POLR2B: variants seen among roughly 807,000 people sequenced by gnomAD.
POLR2B encodes DNA-directed RNA polymerase II subunit RPB2.
Under a neutral mutation model 144.6 loss-of-function variants are expected in POLR2B, and 57 were observed. The ratio of observed to expected loss-of-function variants is 0.39; its 90% CI spans 0.32 to 0.49. The LOEUF (loss-of-function observed/expected upper bound fraction) is 0.49, where lower values mean the gene tolerates loss of function less well. Among genes scored for constraint, POLR2B ranks in the 20% least tolerant of loss-of-function variants. The probability of loss-of-function intolerance (pLI) is 0.83; values close to 1 mark genes in which losing one functional copy is unlikely to be tolerated. For missense variants in POLR2B, 595 were observed against 1,467.4 expected (o/e 0.41, Z 9.71); for synonymous variants, 442 against 469.8 (o/e 0.94, Z 0.77).
intron 12 of POLR2B, 34 bp downstream of exon 12, chr4:57,010,921 A>G: frequency 6.3e-7 from 1 of 1,598,352 alleles, no homozygotes; most frequent in South Asian, 1.1e-5. Flanking sequence ...TTTAAACTAT[A>G]GTTAATCTTT....
chr4:57,008,392 C>T (rs1723088888), intron 10 of POLR2B, among the ~76,000 whole-genome samples: 2 of 152,176 alleles, frequency 1.3e-5, no homozygotes, highest in South Asian at 2.1e-4. Flanking sequence ...TTAGTAGAGA[C>T]GGGGTTTTGC....
intron 1 of POLR2B, among the ~76,000 whole-genome samples, chr4:56,982,435 G>A (rs932038671): frequency 6.6e-6 from 1 of 152,028 alleles, no homozygotes; most frequent in African/African-American, 2.4e-5. Context: ...AGCTGGGCAT[G>A]GTGGCATGTG....
intron 13 of POLR2B, among the ~76,000 whole-genome samples, chr4:57,012,847 T>C (rs968562332): frequency 6.6e-6 from 1 of 151,988 alleles, no homozygotes; most frequent in Middle Eastern, 3.4e-3. Flanking sequence ...GTATTTCTAT[T>C]TTTATTTTTT....
chr4:56,996,236 G>GTGTT (rs1291577789), intron 6 of POLR2B, among the ~76,000 whole-genome samples: 1 of 136,206 alleles, frequency 7.3e-6, no homozygotes, highest in African/African-American at 2.8e-5. Flanking sequence ...GTGTGTGTGT[G>GTGTT]TGTATGTATA....
chr4:56,985,430 C>T (rs1294498561), intron 1 of POLR2B: 3 of 985,346 alleles, frequency 3.0e-6, no homozygotes, highest in Non-Finnish European at 3.6e-6. Context: ...CCCCCGCCGC[C>T]CCGTGGGGCG....
intron 24 of POLR2B, chr4:57,030,646 G>T: frequency 1.8e-6 from 1 of 546,692 alleles, no homozygotes; most frequent in Non-Finnish European, 3.2e-6. Flanking sequence ...TTGTACAAGG[G>T]ATTTTAAACA....
At position 56,986,571 on chromosome 4, in the gene POLR2B, C is replaced by A. The variant is rs1722341271; in HGVS notation, c.92+145C>A. 1.0e-5 allele frequency: 5 copies of A among 502,262 alleles called. No homozygotes were observed. The Middle Eastern group carries it at 1.4e-3, about 139-fold the overall frequency. 31.1% of individuals were successfully genotyped at this position (502,262 alleles called of 1,614,324 possible). ...ATTTAACATTTTAAGTATTTCAGATCTAAAAGTTACACAAAGAATTCATTT... is the reference window on the plus strand; with the variant it reads ...ATTTAACATTTTAAGTATTTCAGATATAAAAGTTACACAAAGAATTCATTT... On this transcript the variant is annotated intron_variant, in intron 2 of 24. Coordinates refer to ENST00000314595, the MANE Select transcript of POLR2B (RefSeq NM_000938.3).
At chr4:57,001,123 G>A (rs1003275492) in intron 7 of POLR2B, among the ~76,000 whole-genome samples, 5 of 152,188 alleles carry the variant, frequency 3.3e-5, no homozygotes, top group South Asian at 4.1e-4. Context: ...TCAGAATAAC[G>A]CATTGCATTT....
At chr4:56,983,484 G>A (rs542385884) in intron 1 of POLR2B, among the ~76,000 whole-genome samples, 11 of 146,654 alleles carry the variant, frequency 7.5e-5, no homozygotes, top group African/African-American at 2.3e-4. Flanking sequence ...GTGATTCTTC[G>A]CCTCAGCCTC....
intron 17 of POLR2B, among the ~76,000 whole-genome samples, chr4:57,021,485 C>CTTTTTTTTT (rs34804702): frequency 2.7e-5 from 3 of 110,342 alleles, no homozygotes; most frequent in South Asian, 6.8e-4. Context: ...AATGTAAAAA[C>CTTTTTTTTT]TTTTTTTTTT....
intron 2 of POLR2B, among the ~76,000 whole-genome samples, chr4:56,989,499 C>G (rs1722445683): frequency 6.6e-6 from 1 of 152,202 alleles, no homozygotes; most frequent in Non-Finnish European, 1.5e-5. Context: ...TTGACTGGAT[C>G]AGGGTGGGGC....
intron 2 of POLR2B, chr4:56,986,645 T>G: frequency 2.8e-6 from 1 of 357,066 alleles, no homozygotes; most frequent in Non-Finnish European, 5.0e-6. Flanking sequence ...TACATTTCTT[T>G]GTCTTTTTCT....
intron 23 of POLR2B, among the ~76,000 whole-genome samples, chr4:57,026,157 G>C (rs1282089576): frequency 6.6e-6 from 1 of 151,954 alleles, no homozygotes. Context: ...AGAATCACTT[G>C]AACCTGGGAG....
At chr4:57,010,129 G>A (rs1723143175) in intron 10 of POLR2B, 2 of 435,652 alleles carry the variant, frequency 4.6e-6, no homozygotes, top group Non-Finnish European at 8.2e-6. Flanking sequence ...CCTAGTGTTT[G>A]TTTGGAGACC....
intron 24 of POLR2B, 108 bp from the exon 25 acceptor site, chr4:57,030,791 C>A: frequency 1.5e-6 from 1 of 682,312 alleles, no homozygotes; most frequent in African/African-American, 1.8e-5. Flanking sequence ...CTCAGCTCCA[C>A]TCATTTATTC....
intron 17 of POLR2B, among the ~76,000 whole-genome samples, chr4:57,021,430 T>C (rs989191931): frequency 6.6e-6 from 1 of 151,948 alleles, no homozygotes; most frequent in African/African-American, 2.4e-5. Flanking sequence ...GTCTGTGTAG[T>C]TTCAAAGGGT....
chr4:56,986,147 A>G (rs1722321770), intron 1 of POLR2B: 2 of 557,146 alleles, frequency 3.6e-6, no homozygotes, highest in South Asian at 3.9e-5. Flanking sequence ...AACCTTTCTA[A>G]TAAACCTCTT....
At chr4:57,013,964 A>AG (rs1723282854) in intron 13 of POLR2B, among the ~76,000 whole-genome samples, 1 of 151,698 alleles carries the variant, frequency 6.6e-6, no homozygotes, top group South Asian at 2.1e-4. Flanking sequence ...AAAAAAAAAA[A>AG]AGAGAAAAAG....
At chr4:57,025,684 G>T (rs1422571153) in intron 23 of POLR2B, 147 bp downstream of exon 23, 2 of 582,928 alleles carry the variant, frequency 3.4e-6, no homozygotes, top group East Asian at 2.8e-5. Flanking sequence ...CAGTCTTGTT[G>T]CATTCATCTC....
Sources: allele counts gnomAD v4.1 joint callset (sites outside exome capture counted in the v4.1 genomes callset), GRCh38; gene constraint gnomAD v4.1.1; transcripts MANE v1.5; gene names NCBI Gene and HGNC (gene_info 2026-07-23, HGNC 2026-07-21).